ANKRD31: variants seen among roughly 807,000 people sequenced by gnomAD.
ANKRD31 encodes ankyrin repeat domain-containing protein 31.
A neutral mutation model predicts 186.0 loss-of-function variants in ANKRD31; 147 were observed. The observed-to-expected ratio is 0.79, with a 90% CI of 0.69 to 0.91. The LOEUF is 0.91. Ranked by LOEUF, ANKRD31 falls within the 40% of genes least tolerant of loss-of-function variation. The probability of loss-of-function intolerance (pLI) is 0.00; values close to 1 mark genes in which losing one functional copy is unlikely to be tolerated. For missense variants in ANKRD31, 1,986 were observed against 2,148.8 expected, an observed-to-expected ratio of 0.92 and a Z score of 1.50; for synonymous variants, 673 against 736.4, an observed-to-expected ratio of 0.91 and a Z score of 1.39.
intron 10 of ANKRD31, among the ~76,000 whole-genome samples, chr5:75,182,187 T>C (rs1036407886): frequency 4.6e-5 from 7 of 152,204 alleles, no homozygotes; most frequent in Admixed American, 1.3e-4. Context: ...TTGTTTCTTA[T>C]AGAAGGTATG....
At chr5:75,076,799 G>A (rs1299232554) in intron 25 of ANKRD31, among the ~76,000 whole-genome samples, 1 of 152,012 alleles carries the variant, frequency 6.6e-6, no homozygotes, top group Non-Finnish European at 1.5e-5. Context: ...CTTATCACTT[G>A]GAAAATTCCA....
intron 9 of ANKRD31, 45 bp downstream of exon 9, chr5:75,192,620 TTC>T (rs1402821111): frequency 7.4e-7 from 1 of 1,350,620 alleles, no homozygotes; most frequent in Non-Finnish European, 1.0e-6. Context: ...TTTCTACCAA[TTC>T]TGTTTTTGTA....
intron 22 of ANKRD31, among the ~76,000 whole-genome samples, chr5:75,098,933 G>A (rs908116318): frequency 7.9e-5 from 12 of 152,084 alleles, no homozygotes; most frequent in Non-Finnish European, 1.6e-4. Context: ...TCTTTCTCCT[G>A]CCTGATTGCC....
chr5:75,142,731 T>C (rs1385801651), intron 15 of ANKRD31, among the ~76,000 whole-genome samples: 2 of 152,152 alleles, frequency 1.3e-5, no homozygotes, highest in Non-Finnish European at 2.9e-5. Flanking sequence ...TGGGCATAGT[T>C]GAATTCACTG....
At chr5:75,107,699 T>A in intron 20 of ANKRD31, 82 bp from the exon 21 acceptor site, 1 of 789,600 alleles carries the variant, frequency 1.3e-6, no homozygotes, top group Non-Finnish European at 2.0e-6. Flanking sequence ...GCCCTATTGT[T>A]AATTTTAAAA....
intron 17 of ANKRD31, among the ~76,000 whole-genome samples, chr5:75,129,199 G>T (rs538980408): frequency 6.6e-6 from 1 of 152,118 alleles, no homozygotes; most frequent in Non-Finnish European, 1.5e-5. Flanking sequence ...ATGTGAATAA[G>T]TGCCTACTAC....
intron 17 of ANKRD31, among the ~76,000 whole-genome samples, chr5:75,136,133 C>T (rs535213735): frequency 6.6e-6 from 1 of 152,296 alleles, no homozygotes; most frequent in African/African-American, 2.4e-5. Context: ...TCACCAAAAG[C>T]AATGGCAACA....
At chr5:75,190,651 T>A (rs533301011) in intron 9 of ANKRD31, among the ~76,000 whole-genome samples, 1 of 152,040 alleles carries the variant, frequency 6.6e-6, no homozygotes, top group South Asian at 2.1e-4. Flanking sequence ...GAACTGCTTG[T>A]TCATGTTCCT....
At chr5:75,137,498 T>C (rs1750681817) in intron 17 of ANKRD31, among the ~76,000 whole-genome samples, 1 of 152,112 alleles carries the variant, frequency 6.6e-6, no homozygotes, top group Non-Finnish European at 1.5e-5. Context: ...AATTTTAAGT[T>C]AAAAAAATCT....
At chr5:75,072,495 T>C (rs1744315097) in intron 25 of ANKRD31, among the ~76,000 whole-genome samples, 1 of 152,190 alleles carries the variant, frequency 6.6e-6, no homozygotes, top group Admixed American at 6.5e-5. Context: ...AAAGACTTGG[T>C]GACTCTGTGT....
At chr5:75,102,583 G>C (rs982167078) in intron 22 of ANKRD31, among the ~76,000 whole-genome samples, 2 of 152,222 alleles carry the variant, frequency 1.3e-5, no homozygotes, top group Admixed American at 6.5e-5. Flanking sequence ...CCTCCACCCA[G>C]TTCGAGCTTC....
chr5:75,193,081 T>C (rs1755223108), intron 8 of ANKRD31, among the ~76,000 whole-genome samples: 1 of 152,110 alleles, frequency 6.6e-6, no homozygotes, highest in Non-Finnish European at 1.5e-5. Flanking sequence ...GGCATGCCAC[T>C]ATCCACTCTA....
At chr5:75,100,838 C>G (rs1746797124) in intron 22 of ANKRD31, among the ~76,000 whole-genome samples, 1 of 152,150 alleles carries the variant, frequency 6.6e-6, no homozygotes, top group Non-Finnish European at 1.5e-5. Context: ...AGATGGGTCT[C>G]CTGAATACAG....
intron 19 of ANKRD31, 66 bp from the exon 20 acceptor site, chr5:75,112,666 A>G: frequency 2.0e-6 from 2 of 988,886 alleles, no homozygotes; most frequent in Non-Finnish European, 2.9e-6. Flanking sequence ...TATGCCATTG[A>G]CAAACACAGA....
intron 1 of ANKRD31, 121 bp downstream of exon 1, chr5:75,236,462 T>C: frequency 2.5e-6 from 2 of 796,918 alleles, no homozygotes; most frequent in East Asian, 5.8e-5. Flanking sequence ...CACAAGGCTC[T>C]GATCCTGCCC....
At chr5:75,228,673 A>G (rs1203310179) in intron 2 of ANKRD31, among the ~76,000 whole-genome samples, 1 of 152,162 alleles carries the variant, frequency 6.6e-6, no homozygotes, top group Non-Finnish European at 1.5e-5. Flanking sequence ...AGGGAAGAGT[A>G]AGGAACATGA....
intron 15 of ANKRD31, among the ~76,000 whole-genome samples, chr5:75,143,669 T>C (rs1751218405): frequency 6.6e-6 from 1 of 152,116 alleles, no homozygotes; most frequent in African/African-American, 2.4e-5. Context: ...TTCCCTTATG[T>C]TAAAAGGGCT....
chr5:75,121,281 T>A (rs1748767475), intron 17 of ANKRD31, among the ~76,000 whole-genome samples: 2 of 151,780 alleles, frequency 1.3e-5, no homozygotes, highest in African/African-American at 4.8e-5. Context: ...ACATATGTAC[T>A]CAACACTGGA....
intron 12 of ANKRD31, among the ~76,000 whole-genome samples, chr5:75,152,873 A>G (rs1357386794): frequency 6.6e-6 from 1 of 151,910 alleles, no homozygotes; most frequent in East Asian, 1.9e-4. Flanking sequence ...ATATGCATAG[A>G]TTTTTGTGAA....
Sources: gnomAD v4.1 joint callset for allele counts (sites outside exome capture counted in the v4.1 genomes callset) on GRCh38, gnomAD v4.1.1 for gene constraint, MANE v1.5 for transcripts, NCBI Gene and HGNC (gene_info 2026-07-23, HGNC 2026-07-21) for gene names.